TENM2: variants seen among roughly 807,000 people sequenced by gnomAD.
The protein encoded by TENM2 is teneurin-2.
TENM2 carries 52 observed loss-of-function variants against 245.2 expected under a neutral mutation model. That is an observed-to-expected ratio of 0.21 (90% CI 0.17 to 0.27). The LOEUF (loss-of-function observed/expected upper bound fraction) is 0.27, where lower values mean the gene tolerates loss of function less well. TENM2 is among the 10% of genes least tolerant of loss of function. The pLI is 1.00. For synonymous variants in TENM2, 1,363 were observed against 1,438.9 expected, an observed-to-expected ratio of 0.95 and a Z score of 1.19; for missense variants, 3,046 against 3,666.8, an observed-to-expected ratio of 0.83 and a Z score of 4.37.
intron 2 of TENM2, among the ~76,000 whole-genome samples, chr5:167,527,127 TCTTA>T (rs1771175531): frequency 6.6e-6 from 1 of 152,060 alleles, no homozygotes. Context: ...GGGAGATAAT[TCTTA>T]CTTATAAAGA....
intron 2 of TENM2, among the ~76,000 whole-genome samples, chr5:167,514,078 G>C (rs1529695): frequency 0.54 from 81,771 of 152,116 alleles, 22,686 homozygotes; most frequent in South Asian, 0.65. Context: ...GTACAAAGTT[G>C]TTCCTGCTCT....
the TENM2 span, among the ~76,000 whole-genome samples, chr5:167,048,269 A>G: frequency 7.9e-5 from 12 of 152,328 alleles, no homozygotes; most frequent in African/African-American, 2.9e-4. Flanking sequence ...GTAATTAAAA[A>G]AATTCTTTAT....
At chr5:167,034,403 G>C in the TENM2 span, among the ~76,000 whole-genome samples, 1 of 152,118 alleles carries the variant, frequency 6.6e-6, no homozygotes, top group Non-Finnish European at 1.5e-5. Flanking sequence ...GGCCGAGGCG[G>C]GTGGATCACG....
the TENM2 span, among the ~76,000 whole-genome samples, chr5:167,014,140 C>CTTTTTTTTTTTT: frequency 2.2e-3 from 282 of 128,594 alleles, 22 homozygotes; most frequent in African/African-American, 6.5e-3. Context: ...AAAACCAATT[C>CTTTTTTTTTTTT]TTTTTTTTTT....
chr5:167,682,970 C>T (rs1255175601), intron 2 of TENM2, among the ~76,000 whole-genome samples: 1 of 152,168 alleles, frequency 6.6e-6, no homozygotes, highest in Non-Finnish European at 1.5e-5. Flanking sequence ...ACAGTAATGA[C>T]ACCTTTCTTT....
chr5:167,345,358 G>A (rs1298582431), intron 1 of TENM2, among the ~76,000 whole-genome samples: 1 of 152,126 alleles, frequency 6.6e-6, no homozygotes, highest in Admixed American at 6.5e-5. Context: ...CTTTCAATGG[G>A]GACACAAATG....
At chr5:167,534,381 A>G (rs1020200848) in intron 2 of TENM2, among the ~76,000 whole-genome samples, 1 of 152,210 alleles carries the variant, frequency 6.6e-6, no homozygotes, top group Non-Finnish European at 1.5e-5. Flanking sequence ...ATAAGACTCC[A>G]AAAGAAGGCT....
At chr5:167,976,966 C>T (rs1374611533) in intron 4 of TENM2, among the ~76,000 whole-genome samples, 1 of 152,172 alleles carries the variant, frequency 6.6e-6, no homozygotes, top group Non-Finnish European at 1.5e-5. Context: ...GGTACATATA[C>T]ACCATGGAAT....
chr5:167,194,343 A>C, the TENM2 span, among the ~76,000 whole-genome samples: 1 of 152,132 alleles, frequency 6.6e-6, no homozygotes, highest in Admixed American at 6.6e-5. Flanking sequence ...TCCTTCCCAA[A>C]GTCTCTCAGT....
the TENM2 span, among the ~76,000 whole-genome samples, chr5:167,017,334 A>G: frequency 2.0e-5 from 3 of 152,296 alleles, no homozygotes; most frequent in East Asian, 5.8e-4. Flanking sequence ...AATGTTAAAA[A>G]TCTGTGTAAC....
chr5:167,439,042 C>T (rs1764739179), intron 2 of TENM2, among the ~76,000 whole-genome samples: 2 of 152,060 alleles, frequency 1.3e-5, no homozygotes, highest in African/African-American at 4.8e-5. Context: ...GATCCACCCG[C>T]CTCAGCCTCT....
At chr5:167,063,164 C>CA in the TENM2 span, among the ~76,000 whole-genome samples, 1,283 of 152,274 alleles carry the variant, frequency 8.4e-3, 10 homozygotes, top group African/African-American at 0.029. Context: ...TCATGTTGGG[C>CA]ATCTCAATAT....
chr5:167,675,151 T>A (rs1756232016), intron 2 of TENM2, among the ~76,000 whole-genome samples: 1 of 152,134 alleles, frequency 6.6e-6, no homozygotes. Context: ...TGAGAGTTTG[T>A]AAGTGCTTAT....
chr5:167,116,853 T>C, the TENM2 span, among the ~76,000 whole-genome samples: 1 of 152,218 alleles, frequency 6.6e-6, no homozygotes, highest in African/African-American at 2.4e-5. Context: ...AACATGTGTC[T>C]GGGAAAACAA....
intron 2 of TENM2, among the ~76,000 whole-genome samples, chr5:167,431,161 G>A (rs1046294644): frequency 5.3e-5 from 8 of 152,048 alleles, no homozygotes; most frequent in African/African-American, 9.7e-5. Flanking sequence ...CATAGTGAGG[G>A]CATAACATTT....
At chr5:167,446,551 A>G (rs1207246834) in intron 2 of TENM2, among the ~76,000 whole-genome samples, 1 of 152,204 alleles carries the variant, frequency 6.6e-6, no homozygotes, top group South Asian at 2.1e-4. Context: ...TGTGTATAAG[A>G]AGTCCAGAAA....
chr5:167,212,345 C>G, the TENM2 span, among the ~76,000 whole-genome samples: 5 of 152,128 alleles, frequency 3.3e-5, no homozygotes, highest in Non-Finnish European at 4.4e-5. Flanking sequence ...CATTAGTAGT[C>G]AAGGTTTTCA....
chr5:168,118,337 G>C, exon 10 of TENM2: 2 of 1,610,118 alleles, frequency 1.2e-6, no homozygotes, highest in Non-Finnish European at 1.7e-6. Context: ...TATTCTAAAG[G>C]GACGTGCCAG....
the TENM2 span, among the ~76,000 whole-genome samples, chr5:167,147,667 A>G: frequency 2.6e-5 from 4 of 152,172 alleles, no homozygotes; most frequent in South Asian, 8.3e-4. Context: ...TCACTGAGCC[A>G]GTATTTAGGA....
Sources: allele counts gnomAD v4.1 joint callset (sites outside exome capture counted in the v4.1 genomes callset), GRCh38; gene constraint gnomAD v4.1.1; transcripts MANE v1.5; gene names NCBI Gene and HGNC (gene_info 2026-07-23, HGNC 2026-07-21).